CNOT4: variants seen among roughly 807,000 people sequenced by gnomAD.
CNOT4 encodes the protein CCR4-associated factor 4.
CNOT4 carries 8 observed loss-of-function variants against 73.8 expected under a neutral mutation model. The ratio of observed to expected loss-of-function variants is 0.11; its 90% CI spans 0.06 to 0.20. CNOT4 has a LOEUF of 0.20. Ranked by LOEUF, CNOT4 falls within the 10% of genes least tolerant of loss-of-function variation. CNOT4 has a pLI of 1.00. For missense variants in CNOT4, 564 were observed against 883.4 expected, an observed-to-expected ratio of 0.64 and a Z score of 4.58; for synonymous variants, 293 against 321.1, an observed-to-expected ratio of 0.91 and a Z score of 0.94.
chr7:135,450,071 C>T (rs1431633208), intron 1 of CNOT4, among the ~76,000 whole-genome samples: 2 of 152,082 alleles, frequency 1.3e-5, no homozygotes, highest in East Asian at 3.9e-4. Flanking sequence ...AATAGTCAGG[C>T]ACAGTGGCCA....
intron 4 of CNOT4, 31 bp from the exon 5 acceptor site, chr7:135,414,463 T>C (rs1797743678): frequency 4.2e-6 from 4 of 961,222 alleles, no homozygotes; most frequent in East Asian, 4.8e-5. Flanking sequence ...TCCACTGTTA[T>C]TAGTTAAAAA....
chr7:135,481,361 A>C (rs1410019017), intron 1 of CNOT4, among the ~76,000 whole-genome samples: 1 of 152,236 alleles, frequency 6.6e-6, no homozygotes, highest in Non-Finnish European at 1.5e-5. Context: ...CATCAGGGAA[A>C]TACAATTCTA....
chr7:135,396,109 T>C lies in CNOT4; in HGVS notation c.880-226A>G, dbSNP rs1226262911. ...TTGAAAAGATTAAACTAGTCTCCCT[T>C]TTTTTTTTTTTTTTTTTTTTTTTTT... is the stretch of plus-strand genomic sequence containing the variant. On this transcript the variant is annotated intron_variant, in intron 8 of 11. Transcript: ENST00000541284. 9.7e-3 allele frequency among the ~76,000 whole-genome samples: 120 copies of C among 12,368 alleles called. 3 individuals carry two copies. In the East Asian group the frequency reaches 0.27, roughly 27 times the overall value. 8.1% of individuals were successfully genotyped at this position (12,368 alleles called of 152,430 possible).
rs759502912 is a variant in CNOT4 at position 135,362,755 on chromosome 7, G to GA, written c.*129dup. 25 of 896,062 alleles carry GA rather than the reference G, an allele frequency of 2.8e-5. No individual in the cohort carries two copies. Among genetic ancestry groups the GA allele is most frequent in the Non-Finnish European group, 4.1e-5 (22 of 533,004 alleles). The allele number at this position is 896,062 out of a possible 1,614,324, so 55.5% of individuals were successfully genotyped here. ...ATCGCATTGCATCTGGGGTTAGGGA[G>GA]AAAAAAAATTGATCAGGTACTGGAT... On this transcript the variant is annotated 3_prime_UTR_variant, in exon 12 of 12. Coordinates refer to ENST00000541284, the MANE Select transcript of CNOT4 (RefSeq NM_001190850.2).
At position 135,509,927 on chromosome 7, in the gene CNOT4, C is replaced by A; in HGVS notation, c.-131G>T. ...CTCGCTTTTCCCTCAGCCGACTCCACGGGCTGCCGCGTCCTCACAAGAAAC... is the reference window on the plus strand; with the variant it reads ...CTCGCTTTTCCCTCAGCCGACTCCAAGGGCTGCCGCGTCCTCACAAGAAAC... On this transcript the variant is annotated 5_prime_UTR_variant, in exon 1 of 12. Coordinates refer to ENST00000541284, the MANE Select transcript of CNOT4 (RefSeq NM_001190850.2). 2.5e-6 allele frequency: 1 copy of A among 397,834 alleles called. No homozygotes were observed. Among genetic ancestry groups the A allele is most frequent in the Non-Finnish European group, 4.4e-6 (1 of 225,570 alleles). The allele number at this position is 397,834 out of a possible 1,614,324, so 24.6% of individuals were successfully genotyped here. A position where few individuals can be genotyped will look rare whatever the true frequency, so the allele number is the denominator to read the frequency against.
At chr7:135,402,927 T>C (rs977295303) in intron 7 of CNOT4, among the ~76,000 whole-genome samples, 1 of 152,024 alleles carries the variant, frequency 6.6e-6, no homozygotes, top group African/African-American at 2.4e-5. Context: ...TTTAAAAAAA[T>C]TTGCAACATA....
At chr7:135,411,052 T>A (rs576120074) in intron 6 of CNOT4, among the ~76,000 whole-genome samples, 12 of 152,040 alleles carry the variant, frequency 7.9e-5, no homozygotes, top group African/African-American at 2.6e-4. Flanking sequence ...TTTCTGAAAA[T>A]CAGCCAAAAT....
At chr7:135,463,780 T>C (rs1057249622) in intron 1 of CNOT4, among the ~76,000 whole-genome samples, 7 of 151,752 alleles carry the variant, frequency 4.6e-5, no homozygotes, top group Admixed American at 6.6e-5. Flanking sequence ...TTGGAAACTA[T>C]GCATCTGACA....
rs573101882 is a variant in CNOT4 at position 135,482,200 on chromosome 7, A to G, written c.-93+27689T>C. Among the ~76,000 whole-genome samples the G allele has an allele frequency of 2.6e-5, 4 of 152,322 alleles. No homozygotes were observed. In the South Asian group the frequency reaches 8.3e-4, roughly 32 times the overall value. On this transcript the variant is annotated intron_variant, in intron 1 of 11. Coordinates refer to ENST00000541284, the MANE Select transcript of CNOT4 (RefSeq NM_001190850.2). ...TAATACTCACATGTACTCCATAAAT[A>G]TATGATATTATGCATCAATCTAAAA...
intron 1 of CNOT4, among the ~76,000 whole-genome samples, chr7:135,495,499 T>G: frequency 9.7e-6 from 1 of 103,032 alleles, no homozygotes. Context: ...AGCGAGACTC[T>G]GCCTCAAAAA....
chr7:135,445,963 A>T (rs2129485667), intron 1 of CNOT4, among the ~76,000 whole-genome samples: 1 of 152,220 alleles, frequency 6.6e-6, no homozygotes, highest in South Asian at 2.1e-4. Context: ...TGCAGCCTCA[A>T]AATGCTGGGC....
intron 1 of CNOT4, among the ~76,000 whole-genome samples, chr7:135,467,799 G>T (rs915255626): frequency 2.0e-5 from 3 of 152,066 alleles, no homozygotes; most frequent in African/African-American, 7.2e-5. Flanking sequence ...TAAAAATAAA[G>T]GAAAGAACAG....
At chr7:135,390,584 C>T (rs1452066750) in intron 10 of CNOT4, among the ~76,000 whole-genome samples, 1 of 151,938 alleles carries the variant, frequency 6.6e-6, no homozygotes, top group Non-Finnish European at 1.5e-5. Context: ...AAGGAAATAA[C>T]TACTAATTTT....
intron 1 of CNOT4, among the ~76,000 whole-genome samples, chr7:135,478,214 T>C (rs1802123232): frequency 6.6e-6 from 1 of 152,216 alleles, no homozygotes; most frequent in African/African-American, 2.4e-5. Context: ...TTCCCCAATG[T>C]CTCAACTAAG....
chr7:135,422,113 A>C lies in CNOT4; in HGVS notation c.372+43T>G, dbSNP rs1194841163. Reference sequence around the variant, plus strand: ...AATATTATTTCCAAGTAAGACAAGGAAACAAAAAATATCAAGATGACAAAG... The same window carrying C: ...AATATTATTTCCAAGTAAGACAAGGCAACAAAAAATATCAAGATGACAAAG... On this transcript the variant is annotated intron_variant, in intron 3 of 11. Coordinates refer to ENST00000541284, the MANE Select transcript of CNOT4 (RefSeq NM_001190850.2). 2.5e-6 allele frequency: 3 copies of C among 1,212,762 alleles called. No individual in the cohort carries two copies. The South Asian group carries it at 3.7e-5, about 15-fold the overall frequency. The allele number at this position is 1,212,762 out of a possible 1,614,324, so 75.1% of individuals were successfully genotyped here. A position where few individuals can be genotyped will look rare whatever the true frequency, so the allele number is the denominator to read the frequency against.
chr7:135,366,114 C>A (rs552245485), intron 10 of CNOT4, among the ~76,000 whole-genome samples: 2 of 152,288 alleles, frequency 1.3e-5, no homozygotes, highest in African/African-American at 4.8e-5. Context: ...TGATCTTACA[C>A]CGAGTGGCTA....
At chr7:135,424,038 AAAACACACAC>A (rs1563041514) in intron 2 of CNOT4, among the ~76,000 whole-genome samples, 2 of 124,920 alleles carry the variant, frequency 1.6e-5, no homozygotes, top group African/African-American at 6.6e-5. Context: ...ACAAACAAAC[AAAACACACAC>A]ACACACACAC....
chr7:135,480,428 A>T (rs1477410647), intron 1 of CNOT4, among the ~76,000 whole-genome samples: 1 of 152,080 alleles, frequency 6.6e-6, no homozygotes, highest in Non-Finnish European at 1.5e-5. Context: ...ATCTGAACTG[A>T]CTCCTTACCA....
At chr7:135,366,498 T>C (rs1357015635) in intron 10 of CNOT4, among the ~76,000 whole-genome samples, 1 of 152,202 alleles carries the variant, frequency 6.6e-6, no homozygotes, top group African/African-American at 2.4e-5. Context: ...AATTCACATA[T>C]GGCGCATGAT....
Sources: allele counts gnomAD v4.1 joint callset (sites outside exome capture counted in the v4.1 genomes callset), GRCh38; gene constraint gnomAD v4.1.1; transcripts MANE v1.5; gene names NCBI Gene and HGNC (gene_info 2026-07-23, HGNC 2026-07-21).